DDX51: variants seen among roughly 807,000 people sequenced by gnomAD.
DDX51 encodes ATP-dependent RNA helicase DDX51.
DDX51 carries 67 observed loss-of-function variants against 74.6 expected under a neutral mutation model. The ratio of observed to expected loss-of-function variants is 0.90; its 90% CI spans 0.74 to 1.10. DDX51 has a LOEUF of 1.10. Among genes scored for constraint, DDX51 ranks in the 50% least tolerant of loss-of-function variants. DDX51 has a pLI of 0.00. For synonymous variants in DDX51, 545 were observed against 402.9 expected (o/e 1.35, Z -4.22); for missense variants, 1,056 against 905.2 (o/e 1.17, Z -2.14).
Position 132,143,895 on chromosome 12 carries a change from C to G in DDX51, c.319G>C (p.Ala107Pro). The stretch of plus-strand genomic sequence containing the variant: ...CTCCCTGCGCTGGGCTCCCCTGGCG[C>G]CTCCTCGTTGCTTTCTGCGAGGCAG... ...EDAGAESNEE[A>P]PGEPSAGSSE... Residue 107 changes from alanine to proline, a missense_variant, in exon 2 of 15, where the codon GCG (alanine) becomes CCG (proline). Ala to Pro is a conservative substitution (Grantham distance 27). Transcript: ENST00000397333. The G allele has an allele frequency of 6.6e-7, 1 of 1,518,076 alleles. No individual in the cohort carries two copies. The highest frequency in any genetic ancestry group is 8.8e-7 in the Non-Finnish European group (1 of 1,141,838). The allele number at this position is 1,518,076 out of a possible 1,614,324, so 94.0% of individuals were successfully genotyped here.
At chr12:132,140,282 G>A (rs912566088) in intron 11 of DDX51, 83 bp from the exon 12 acceptor site, 1 of 1,566,272 alleles carries the variant, frequency 6.4e-7, no homozygotes, top group Non-Finnish European at 8.7e-7. Context: ...GGCAGCTCAG[G>A]CCTTTCTGGG....
At position 132,141,352 on chromosome 12, in the gene DDX51, G is replaced by C. The variant is rs537243107; in HGVS notation, c.1173C>G (p.Ala391=). 2.5e-4 allele frequency: 395 copies of C among 1,598,572 alleles called. 4 individuals are homozygous for C. The South Asian group carries it at 4.2e-3, about 17-fold the overall frequency. The change falls in exon 8 of 15, where the codon GCC becomes GCG. Residue 391 remains alanine, a synonymous_variant. Transcript: ENST00000397333. The part of the protein sequence containing the change: ...HQSWLPRVVA[A]AFQSEDPADP... ...CCGCGGGGTCCTCGCTCTGGAAGGCGGCCGCCACCACCCGCGGCAGCCAGG... is the reference window on the plus strand; with the variant it reads ...CCGCGGGGTCCTCGCTCTGGAAGGCCGCCGCCACCACCCGCGGCAGCCAGG...
At position 132,140,872 on chromosome 12, in the gene DDX51, C is replaced by G. The variant is rs200705249; in HGVS notation, c.1399G>C (p.Asp467His). The G allele has an allele frequency of 1.2e-4, 190 of 1,613,552 alleles. 2 individuals are homozygous for G. Among genetic ancestry groups the G allele is most frequent in the Non-Finnish European group, 3.0e-5 (35 of 1,180,012 alleles). ...AAGGCATACTTCCCCGAATCCCCGTCCCCATCTGTATCTTCCAGGCCCCTG... is the reference window on the plus strand; with the variant it reads ...AAGGCATACTTCCCCGAATCCCCGTGCCCATCTGTATCTTCCAGGCCCCTG... ...AHRGLEDTDG[D>H]GDSGKYAFPV... The change falls in exon 9 of 15, where the codon GAC (aspartate) becomes CAC (histidine). Residue 467 changes from aspartate (D) to histidine (H), a missense_variant. Physicochemically the swap from Asp to His is moderately conservative, Grantham distance 81 (BLOSUM62 -1). Transcript: ENST00000397333.
At position 132,139,563 on chromosome 12, in the gene DDX51, A is replaced by G. The variant is rs771945412; in HGVS notation, c.1974+72T>C. ...TTTCCTCTTTTTCCCTCTTTTCTCC[A>G]CGTGTGGTGACGACGCCCTCTCTGC... On this transcript the variant is annotated intron_variant, in intron 14 of 14. Transcript: ENST00000397333. The G allele has an allele frequency of 3.1e-6, 5 of 1,610,188 alleles. No individual in the cohort carries two copies. In the African/African-American group the frequency reaches 5.4e-5, roughly 17 times the overall value.
chr12:132,140,990 C>T lies in DDX51; in HGVS notation c.1281G>A (p.Lys427=), dbSNP rs1258856950. 1.9e-6 allele frequency: 3 copies of T among 1,605,930 alleles called. No individual in the cohort carries two copies. Among genetic ancestry groups the T allele is most frequent in the South Asian group, 2.2e-5 (2 of 90,638 alleles). Reference sequence around the variant, plus strand: ...GGGTCAGAGTAGCTGAGAAGAGCAGCTTCTGCAGGGGCATCTGGGGACAGC... The same window carrying T: ...GGGTCAGAGTAGCTGAGAAGAGCAGTTTCTGCAGGGGCATCTGGGGACAGC... ...STCCPQMPLQ[K]LLFSATLTQN... Residue 427 remains lysine, a synonymous_variant, in exon 9 of 15, where the codon AAG becomes AAA. Coordinates refer to ENST00000397333, the MANE Select transcript of DDX51 (RefSeq NM_175066.4).
chr12:132,142,134 C>T lies in DDX51; in HGVS notation c.873G>A (p.Lys291=). 1.9e-6 allele frequency: 3 copies of T among 1,544,990 alleles called. No individual in the cohort carries two copies. The highest frequency in any genetic ancestry group is 2.6e-6 in the Non-Finnish European group (3 of 1,145,520). ...HIRALVVLPT[K]ELAQQVSKVF... ...GTCCACATACCTGCTGGGCCAGCTC[C>T]TTGGTGGGCAGCACAACCAGGGCAC... Residue 291 remains lysine (K), a synonymous_variant, in exon 5 of 15, where the codon AAG becomes AAA. Coordinates refer to ENST00000397333, the MANE Select transcript of DDX51 (RefSeq NM_175066.4).
In DDX51 at chr12:132,140,129, C is replaced by G. The variant is rs780739881; in HGVS notation, c.1744G>C (p.Ala582Pro). ...QGVELVVNYDAPQYLRTYVHR... is the reference protein window; with the variant it reads ...QGVELVVNYDPPQYLRTYVHR... ...ACGTAGGTTCTCAGGTACTGGGGGG[C>G]GTCGTAGTTCACCACCAGCTCCACA... is the stretch of plus-strand genomic sequence containing the variant. The change falls in exon 12 of 15, where the codon GCC becomes CCC. Residue 582 changes from alanine (A) to proline (P), a missense_variant. Ala to Pro is a conservative substitution (Grantham distance 27). Transcript: ENST00000397333. 6.2e-7 allele frequency: 1 copy of G among 1,612,650 alleles called. No individual in the cohort carries two copies. The highest frequency in any genetic ancestry group is 1.3e-5 in the African/African-American group (1 of 74,970).
intron 8 of DDX51, 54 bp from the exon 9 acceptor site, chr12:132,141,074 C>T (rs1897439554): frequency 2.6e-6 from 4 of 1,545,110 alleles, no homozygotes; most frequent in Non-Finnish European, 3.5e-6. Flanking sequence ...CCCGAACCTC[C>T]AGGGAACAGG....
chr12:132,139,492 C>T (rs911626014), intron 14 of DDX51, 143 bp downstream of exon 14: 6 of 1,569,422 alleles, frequency 3.8e-6, no homozygotes, highest in Admixed American at 1.7e-5. Flanking sequence ...CGCCCTTGGG[C>T]CAGAAGCTCG....
chr12:132,140,241 C>G lies in DDX51; in HGVS notation c.1674-42G>C, dbSNP rs749713563. 3.1e-6 allele frequency: 5 copies of G among 1,596,398 alleles called. No homozygotes were observed. In the African/African-American group the frequency reaches 6.7e-5, roughly 21 times the overall value. On this transcript the variant is annotated intron_variant, in intron 11 of 14. Coordinates refer to ENST00000397333, the MANE Select transcript of DDX51 (RefSeq NM_175066.4). Reference sequence around the variant, plus strand: ...CATTGTGGGCCCGACGTGCCAGGAGCAGGGGCCGTGGCAGCACCGGCCCTG... The same window carrying G: ...CATTGTGGGCCCGACGTGCCAGGAGGAGGGGCCGTGGCAGCACCGGCCCTG...
Position 132,142,858 on chromosome 12 carries a change from C to G in DDX51, c.540G>C (p.Arg180Ser). ...TGACACAGTTAGGCTCAGCCAGCCA[C>G]CTTGGCAGGAAAGGCTGGACCTGCC... Reference protein sequence around the residue: ...KAPKVQPFLPRWLAEPNCVRR... With the variant: ...KAPKVQPFLPSWLAEPNCVRR... The change falls in exon 3 of 15, where the codon AGG (arginine) becomes AGC (serine). Residue 180 changes from arginine (R) to serine (S), a missense_variant. Coordinates refer to ENST00000397333, the MANE Select transcript of DDX51 (RefSeq NM_175066.4). The G allele has an allele frequency of 6.2e-7, 1 of 1,612,870 alleles. No homozygotes were observed. Among genetic ancestry groups the G allele is most frequent in the Non-Finnish European group, 8.5e-7 (1 of 1,180,010 alleles).
chr12:132,144,258 A>G lies in DDX51; in HGVS notation c.39T>C (p.Asp13=). ...LFYVARYPGP[D]AAAAAGPEGA... ...CCTCCGGCCCCGCCGCAGCTGCCGCATCGGGGCCCGGGTACCGCGCGACGT... is the reference window on the plus strand; with the variant it reads ...CCTCCGGCCCCGCCGCAGCTGCCGCGTCGGGGCCCGGGTACCGCGCGACGT... Residue 13 remains aspartate (D), a synonymous_variant, in exon 1 of 15, where the codon GAT becomes GAC. Transcript: ENST00000397333. The G allele has an allele frequency of 8.1e-7, 1 of 1,239,722 alleles. No individual in the cohort carries two copies. The highest frequency in any genetic ancestry group is 1.0e-6 in the Non-Finnish European group (1 of 992,268). 76.8% of individuals were successfully genotyped at this position (1,239,722 alleles called of 1,614,324 possible).
At chr12:132,140,392 A>G in intron 11 of DDX51, 31 bp downstream of exon 11, 1 of 1,610,848 alleles carries the variant, frequency 6.2e-7, no homozygotes, top group Non-Finnish European at 8.5e-7. Flanking sequence ...CCCCCACCCC[A>G]CAGAGGCCTT....
intron 14 of DDX51, 130 bp downstream of exon 14, chr12:132,139,505 G>A (rs760073783): frequency 3.2e-6 from 5 of 1,581,644 alleles, no homozygotes; most frequent in Non-Finnish European, 3.5e-6. Context: ...GAAGCTCGAG[G>A]ACAACCTGTG....
rs764746864 is a variant in DDX51, at chr12:132,140,662, G to A, written c.1514C>T (p.Ser505Leu). ...GGAGTTAGTGAAGCAGAGAACCCTC[G>A]AGAAGCCCATCTCCAGGACCAGGTG... The part of the protein sequence containing the change: ...VLHLVLEMGF[S>L]RVLCFTNSRE... The change falls in exon 10 of 15, where the codon TCG becomes TTG. Residue 505 changes from serine (S) to leucine (L), a missense_variant. Transcript: ENST00000397333. 15 of 1,612,850 alleles carry A rather than the reference G, an allele frequency of 9.3e-6. No individual in the cohort carries two copies. Among genetic ancestry groups the A allele is most frequent in the African/African-American group, 1.3e-5 (1 of 74,924 alleles).
Position 132,141,264 on chromosome 12 carries a change from C to A in DDX51, c.1250+11G>T. Reference sequence around the variant, plus strand: ...CAGGGGAGGCCAGCACCTGGGCGTGCTGCTGGATACCTGGCGGCTGTCACA... The same window carrying A: ...CAGGGGAGGCCAGCACCTGGGCGTGATGCTGGATACCTGGCGGCTGTCACA... On this transcript the variant is annotated intron_variant, in intron 8 of 14. Coordinates refer to ENST00000397333, the MANE Select transcript of DDX51 (RefSeq NM_175066.4). 1 of 1,583,088 alleles carries A rather than the reference C, an allele frequency of 6.3e-7. No individual in the cohort carries two copies.
rs1340839987 is a variant in DDX51, at chr12:132,137,045, G to A, written c.*2227C>T. Reference sequence around the variant, plus strand: ...CCTCCCAGGGCCCAGGGTTTTAGCTGGGACAAGGTGTGCTATTTGTATAGA... The same window carrying A: ...CCTCCCAGGGCCCAGGGTTTTAGCTAGGACAAGGTGTGCTATTTGTATAGA... On this transcript the variant is annotated 3_prime_UTR_variant, in exon 15 of 15. Coordinates refer to ENST00000397333, the MANE Select transcript of DDX51 (RefSeq NM_175066.4). The A allele has an allele frequency of 6.6e-6, 1 of 152,230 alleles. No individual in the cohort carries two copies. Among genetic ancestry groups the A allele is most frequent in the Non-Finnish European group, 1.5e-5 (1 of 68,084 alleles). 9.4% of individuals were successfully genotyped at this position (152,230 alleles called of 1,614,324 possible).
At chr12:132,142,487 C>A in intron 3 of DDX51, 65 bp from the exon 4 acceptor site, 1 of 1,571,598 alleles carries the variant, frequency 6.4e-7, no homozygotes, top group East Asian at 2.3e-5. Flanking sequence ...CGCTTCCCTG[C>A]CTGTGACCTC....
chr12:132,141,657 G>T (rs186061555), intron 6 of DDX51, 51 bp from the exon 7 acceptor site: 1 of 1,529,736 alleles, frequency 6.5e-7, no homozygotes, highest in African/African-American at 1.4e-5. Flanking sequence ...AAGGGCTTCC[G>T]GATAGCAAGA....
Sources: allele counts gnomAD v4.1 joint callset, GRCh38; gene constraint gnomAD v4.1.1; transcripts MANE v1.5; gene names NCBI Gene and HGNC (gene_info 2026-07-23, HGNC 2026-07-21).